The following SPATA31C2 variants were observed in gnomAD, a reference collection of about 807,000 sequenced individuals.
SPATA31C2 encodes SPATA31 subfamily C member 2.
A neutral mutation model predicts 11.4 loss-of-function variants in SPATA31C2; 5 were observed. The observed-to-expected ratio is 0.44, with a 90% CI of 0.23 to 0.92. The LOEUF (loss-of-function observed/expected upper bound fraction) is 0.92, where lower values mean the gene tolerates loss of function less well. Ranked by LOEUF, SPATA31C2 falls within the 40% of genes least tolerant of loss-of-function variation. The pLI, the probability that SPATA31C2 is intolerant of heterozygous loss-of-function variation, is 0.24. For missense variants in SPATA31C2, 1,353 were observed against 1,368.6 expected (o/e 0.99, Z 0.18); for synonymous variants, 515 against 538.7 (o/e 0.96, Z 0.61).
rs1825583369 is a variant in SPATA31C2, at chr9:88,131,098, C to T, written c.1939G>A (p.Gly647Arg). The change falls in exon 4 of 4, where the codon GGA (glycine) becomes AGA (arginine). Residue 647 changes from glycine to arginine, a missense_variant. By Grantham distance (125) the Gly-to-Arg change is moderately radical. Transcript: ENST00000324915. The stretch of plus-strand genomic sequence containing the variant: ...GCCCAAAACCTCACAATATGGGCTC[C>T]CAGCACCTGCTGAGTACACGGCTCA... ...FLEPCTQQVL[G>R]AHIVRFWAKH... is the part of the protein sequence containing the mutation. 1.2e-6 allele frequency: 2 copies of T among 1,612,018 alleles called. No individual in the cohort carries two copies. Among genetic ancestry groups the T allele is most frequent in the East Asian group, 4.5e-5 (2 of 44,854 alleles).
rs772492445 is a variant in SPATA31C2 at position 88,129,596 on chromosome 9, C to A, written c.*36G>T. ...GCAAGAGTTGGGGATGTCGCAGGCC[C>A]CATTGCTCATTGTTGCACCGGACAC... On this transcript the variant is annotated 3_prime_UTR_variant, in exon 4 of 4. Transcript: ENST00000324915. The A allele has an allele frequency of 6.2e-7, 1 of 1,602,308 alleles. No homozygotes were observed. Among genetic ancestry groups the A allele is most frequent in the Admixed American group, 1.7e-5 (1 of 59,462 alleles).
chr9:88,134,062 G>A (rs62579125), intron 1 of SPATA31C2, among the ~76,000 whole-genome samples: 61,320 of 140,614 alleles, frequency 0.44, 10,942 homozygotes, highest in East Asian at 0.63. Context: ...CGCTAAGACA[G>A]GAGAATAGCT....
In SPATA31C2 at chr9:88,132,017, T is replaced by C; in HGVS notation, c.1020A>G (p.Thr340=). Residue 340 remains threonine, a synonymous_variant, in exon 4 of 4, where the codon ACA becomes ACG. Transcript: ENST00000324915. ...CCATAGGTGTGGGCCAGAATTGGGG[T>C]GTGGATGAAATAAAGGGTTGGGACT... is the stretch of plus-strand genomic sequence containing the variant. ...EPESQPFISS[T]PQFWPTPMAQ... 6.2e-7 allele frequency: 1 copy of C among 1,610,268 alleles called. No homozygotes were observed. The highest frequency in any genetic ancestry group is 8.5e-7 in the Non-Finnish European group (1 of 1,177,668).
chr9:88,134,377 G>C, intron 1 of SPATA31C2, among the ~76,000 whole-genome samples: 1 of 147,954 alleles, frequency 6.8e-6, no homozygotes, highest in East Asian at 2.1e-4. Flanking sequence ...ACCCCACACA[G>C]AAGAGGCTGG....
intron 1 of SPATA31C2, among the ~76,000 whole-genome samples, chr9:88,135,888 C>T (rs1214843812): frequency 2.1e-5 from 3 of 144,214 alleles, no homozygotes; most frequent in Non-Finnish European, 4.6e-5. Context: ...TATTTATGTA[C>T]TTATGTAATT....
Position 88,131,440 on chromosome 9 carries a change from C to T in SPATA31C2, c.1597G>A (p.Glu533Lys). The T allele has an allele frequency of 1.9e-6, 3 of 1,612,004 alleles. No homozygotes were observed. Among genetic ancestry groups the T allele is most frequent in the Non-Finnish European group, 2.5e-6 (3 of 1,179,862 alleles). Reference sequence around the variant, plus strand: ...CCCAGAACCTTCCCTGGGAAGCTTTCCATGCCCCTGGATAGATTTTGTGGG... The same window carrying T: ...CCCAGAACCTTCCCTGGGAAGCTTTTCATGCCCCTGGATAGATTTTGTGGG... ...ETPQNLSRGMESFPGKVLGAT... is the reference protein window; with the variant it reads ...ETPQNLSRGMKSFPGKVLGAT... Residue 533 changes from glutamate to lysine, a missense_variant, in exon 4 of 4, where the codon GAA becomes AAA. Coordinates refer to ENST00000324915, the MANE Select transcript of SPATA31C2 (RefSeq NM_001350978.3).
chr9:88,132,757 C>G (rs373421981), intron 3 of SPATA31C2, 47 bp from the exon 4 acceptor site: 1 of 1,570,342 alleles, frequency 6.4e-7, no homozygotes, highest in South Asian at 1.2e-5. Flanking sequence ...CAGATGGGTT[C>G]GGAGGGCAGA....
At chr9:88,136,697 G>C (rs1458750568) in intron 1 of SPATA31C2, among the ~76,000 whole-genome samples, 1 of 141,736 alleles carries the variant, frequency 7.1e-6, no homozygotes, top group Non-Finnish European at 1.5e-5. Flanking sequence ...TTTTGAGATG[G>C]AGTCTTCCTC....
rs376631628 is a variant in SPATA31C2 at position 88,132,331 on chromosome 9, G to T, written c.706C>A (p.Arg236=). ...PPKGFTPPPL[R]DSTLLTPSHC... ...GATGGTGTTAACAGAGTGGAGTCCC[G>T]CAGGGGAGGAGGAGTGAAGCCTTTC... The change falls in exon 4 of 4, where the codon CGG becomes AGG. Residue 236 remains arginine (R), a synonymous_variant. Coordinates refer to ENST00000324915, the MANE Select transcript of SPATA31C2 (RefSeq NM_001350978.3). The T allele has an allele frequency of 4.3e-6, 7 of 1,610,812 alleles. No homozygotes were observed. The African/African-American group carries it at 9.4e-5, about 22-fold the overall frequency.
In SPATA31C2 at chr9:88,132,389, A is replaced by G. The variant is rs376267969; in HGVS notation, c.648T>C (p.Thr216=). The change falls in exon 4 of 4, where the codon ACT becomes ACC. Residue 216 remains threonine (T), a synonymous_variant. Transcript: ENST00000324915. ...GCGGAGAGCAGGCCAGAGGATCAGG[A>G]GTGCGTGGTGGGTGAGGGAAAAGTG... is the stretch of plus-strand genomic sequence containing the variant. The part of the protein sequence containing the change: ...PPALFPHPPR[T]PDPLACSPPP... 6.8e-3 allele frequency: 10,997 copies of G among 1,611,014 alleles called. 64 individuals carry two copies. The highest frequency in any genetic ancestry group is 0.012 in the Middle Eastern group (73 of 5,874).
Position 88,130,882 on chromosome 9 carries a change from C to T in SPATA31C2, c.2155G>A (p.Val719Met), listed in dbSNP as rs1430476322. 3 of 1,613,660 alleles carry T rather than the reference C, an allele frequency of 1.9e-6. 1 individual carries two copies. Among genetic ancestry groups the T allele is most frequent in the East Asian group, 4.5e-5 (2 of 44,894 alleles). ...ATGTGAACAGATGGTTTGGTCAGCA[C>T]CTGCTTTCTCAGACTTGCCATTGGT... The part of the protein sequence containing the change: ...EPPMASLRKQ[V>M]LTKPSVHMPE... The change falls in exon 4 of 4, where the codon GTG (valine) becomes ATG (methionine). Residue 719 changes from valine to methionine, a missense_variant. Coordinates refer to ENST00000324915, the MANE Select transcript of SPATA31C2 (RefSeq NM_001350978.3).
chr9:88,132,832 C>A (rs1825625035), intron 3 of SPATA31C2, 122 bp from the exon 4 acceptor site: 4 of 1,276,668 alleles, frequency 3.1e-6, no homozygotes, highest in Admixed American at 2.6e-5. Flanking sequence ...TCCTGCTACC[C>A]CTCGCCCCAG....
At position 88,131,619 on chromosome 9, in the gene SPATA31C2, T is replaced by G; in HGVS notation, c.1418A>C (p.Gln473Pro). The G allele has an allele frequency of 6.2e-7, 1 of 1,612,012 alleles. No homozygotes were observed. Among genetic ancestry groups the G allele is most frequent in the Non-Finnish European group, 8.5e-7 (1 of 1,179,860 alleles). Residue 473 changes from glutamine (Q) to proline (P), a missense_variant, in exon 4 of 4, where the codon CAG becomes CCG. Physicochemically the swap from Gln to Pro is moderately conservative, Grantham distance 76. This residue lies in a region of SPATA31C2 where 1,075 missense variants were observed against 992.8 expected (regional missense o/e 1.08). Coordinates refer to ENST00000324915, the MANE Select transcript of SPATA31C2 (RefSeq NM_001350978.3). ...IQESLDLMQL[Q>P]DELPGTSQAK... is the part of the protein sequence containing the mutation. ...CTGACTTGTCCCTGGCAATTCATCC[T>G]GAAGCTGCATCAGATCCAGAGACTC...
chr9:88,132,727 G>A lies in SPATA31C2; in HGVS notation c.327-17C>T, dbSNP rs774670501. On this transcript the variant is annotated splice_polypyrimidine_tract_variant and intron_variant, in intron 3 of 3. Coordinates refer to ENST00000324915, the MANE Select transcript of SPATA31C2 (RefSeq NM_001350978.3). Reference sequence around the variant, plus strand: ...CCCAGGAGGCTGCAGGAGACAGGAGGCACAAGCTGCAGCCAGGAGCAGATG... The same window carrying A: ...CCCAGGAGGCTGCAGGAGACAGGAGACACAAGCTGCAGCCAGGAGCAGATG... 1.7e-5 allele frequency: 27 copies of A among 1,591,794 alleles called. No homozygotes were observed. In the South Asian group the frequency reaches 3.0e-4, roughly 18 times the overall value.
Position 88,131,631 on chromosome 9 carries a change from A to C in SPATA31C2, c.1406T>G (p.Leu469Arg). 1 of 1,612,008 alleles carries C rather than the reference A, an allele frequency of 6.2e-7. No homozygotes were observed. The highest frequency in any genetic ancestry group is 8.5e-7 in the Non-Finnish European group (1 of 1,179,866). ...TGGCAATTCATCCTGAAGCTGCATC[A>C]GATCCAGAGACTCTTGGATCCTTCC... ...QRGRIQESLD[L>R]MQLQDELPGT... Residue 469 changes from leucine (L) to arginine (R), a missense_variant, in exon 4 of 4, where the codon CTG (leucine) becomes CGG (arginine). Transcript: ENST00000324915.
rs1191508656 is a variant in SPATA31C2 at position 88,135,266 on chromosome 9, C to T, written c.190-1597G>A. Among the ~76,000 whole-genome samples the T allele has an allele frequency of 7.0e-5, 8 of 113,690 alleles. No homozygotes were observed. In the East Asian group the frequency reaches 2.6e-3, roughly 36 times the overall value. 74.6% of individuals were successfully genotyped at this position (113,690 alleles called of 152,430 possible). A position where few individuals can be genotyped will look rare whatever the true frequency, so the allele number is the denominator to read the frequency against. On this transcript the variant is annotated intron_variant, in intron 1 of 3. Coordinates refer to ENST00000324915, the MANE Select transcript of SPATA31C2 (RefSeq NM_001350978.3). ...CCTGGTTCCTTTTATCTATTGGAGT[C>T]GGTGGCTTGAGGTTACCTATTTCAT... is the stretch of plus-strand genomic sequence containing the variant.
At position 88,130,727 on chromosome 9, in the gene SPATA31C2, A is replaced by C; in HGVS notation, c.2310T>G (p.Ser770=). The C allele has an allele frequency of 6.2e-7, 1 of 1,613,714 alleles. No homozygotes were observed. The highest frequency in any genetic ancestry group is 1.1e-5 in the South Asian group (1 of 91,054). ...PTAGQEGRWP[S]KPLTYSLTGS... ...CTGTGAGGCTGTATGTGAGGGGCTT[A>C]GATGGCCACCTGCCCTCCTGTCCAG... Residue 770 remains serine, a synonymous_variant, in exon 4 of 4, where the codon TCT becomes TCG. Transcript: ENST00000324915.
intron 1 of SPATA31C2, among the ~76,000 whole-genome samples, chr9:88,136,472 G>C (rs1374851546): frequency 2.1e-5 from 3 of 145,552 alleles, no homozygotes; most frequent in Non-Finnish European, 3.0e-5. Flanking sequence ...TATCAGGTGT[G>C]GTTTGCACTT....
Position 88,129,863 on chromosome 9 carries a change from T to G in SPATA31C2, c.3174A>C (p.Ala1058=). 1.2e-6 allele frequency: 2 copies of G among 1,605,236 alleles called. No individual in the cohort carries two copies. The highest frequency in any genetic ancestry group is 1.7e-6 in the Non-Finnish European group (2 of 1,174,284). ...TGTTCTCCTCCAGTATCTGTCCAAC[T>G]GCTGTCATGAGCCTCTCAGCTTCAG... ...SSAEAERLMT[A]VGQILEENMS... Residue 1058 remains alanine, a synonymous_variant, in exon 4 of 4, where the codon GCA becomes GCC. Transcript: ENST00000324915.
Sources: allele counts gnomAD v4.1 joint callset (sites outside exome capture counted in the v4.1 genomes callset), GRCh38; gene constraint gnomAD v4.1.1; regional missense constraint gnomAD v4.1.1; transcripts MANE v1.5; gene names NCBI Gene and HGNC (gene_info 2026-07-23, HGNC 2026-07-21).